Variants in SUCLA2 observed in about 807,000 individuals in gnomAD.
SUCLA2 encodes succinate-CoA ligase ADP-forming subunit beta, also known as succinate--CoA ligase [ADP-forming] subunit beta, mitochondrial.
In SUCLA2, 30 loss-of-function variants were observed where a neutral mutation model predicts 54.8. The observed-to-expected ratio is 0.55, with a 90% CI of 0.41 to 0.74. The LOEUF (loss-of-function observed/expected upper bound fraction) is 0.74, where lower values mean the gene tolerates loss of function less well. Ranked by LOEUF, SUCLA2 falls within the 30% of genes least tolerant of loss-of-function variation. SUCLA2 has a pLI of 0.00. For missense variants in SUCLA2, 476 were observed against 562.9 expected (o/e 0.85, Z 1.56); for synonymous variants, 172 against 188.9 (o/e 0.91, Z 0.74).
chr13:47,952,251 T>C (rs1949782299), intron 8 of SUCLA2, among the ~76,000 whole-genome samples: 1 of 152,182 alleles, frequency 6.6e-6, no homozygotes, highest in Admixed American at 6.6e-5. Flanking sequence ...CGATCTGTTC[T>C]TATCTCTGTC....
At chr13:47,960,379 G>A (rs886891349) in intron 6 of SUCLA2, among the ~76,000 whole-genome samples, 1 of 152,008 alleles carries the variant, frequency 6.6e-6, no homozygotes, top group Non-Finnish European at 1.5e-5. Flanking sequence ...TACCTCTGAT[G>A]ATCTAAAGAA....
At chr13:47,954,825 A>C (rs1409224702) in intron 6 of SUCLA2, among the ~76,000 whole-genome samples, 1 of 152,168 alleles carries the variant, frequency 6.6e-6, no homozygotes, top group Non-Finnish European at 1.5e-5. Context: ...ATTTTAAATT[A>C]TTTAAAAATT....
chr13:47,988,789 T>C (rs1457590420), intron 3 of SUCLA2, 86 bp from the exon 4 acceptor site: 1 of 1,592,606 alleles, frequency 6.3e-7, no homozygotes, highest in Admixed American at 1.7e-5. Context: ...TTATCTCATC[T>C]AATATTTAAA....
At position 47,954,580 on chromosome 13, in the gene SUCLA2, A is replaced by C. The variant is rs563521608; in HGVS notation, c.803-23T>G. ...ATACTTTGAAGGGAAAAAGAGAAAA[A>C]TGACCTTAATTTCAAGACAGATACA... On this transcript the variant is annotated intron_variant, in intron 6 of 10. Transcript: ENST00000646932. 14 of 1,611,820 alleles carry C rather than the reference A, an allele frequency of 8.7e-6. No individual in the cohort carries two copies. The South Asian group carries it at 1.4e-4, about 16-fold the overall frequency.
At chr13:47,962,538 A>G (rs1454605418) in intron 6 of SUCLA2, among the ~76,000 whole-genome samples, 2 of 152,162 alleles carry the variant, frequency 1.3e-5, no homozygotes, top group Admixed American at 6.5e-5. Context: ...GATTGGTAGA[A>G]GCTTATTTTG....
At chr13:47,961,561 G>A (rs1320510865) in intron 6 of SUCLA2, among the ~76,000 whole-genome samples, 2 of 152,118 alleles carry the variant, frequency 1.3e-5, no homozygotes, top group Non-Finnish European at 2.9e-5. Context: ...ACATCCAAGA[G>A]AGATATATCA....
intron 6 of SUCLA2, among the ~76,000 whole-genome samples, chr13:47,958,523 ATAGT>A (rs1258908257): frequency 1.3e-5 from 2 of 152,222 alleles, no homozygotes. Flanking sequence ...TAGCTTTAAA[ATAGT>A]TAGTAAAATG....
intron 6 of SUCLA2, 140 bp from the exon 7 acceptor site, chr13:47,954,697 C>T: frequency 3.1e-6 from 3 of 970,612 alleles, no homozygotes; most frequent in East Asian, 2.6e-5. Context: ...TTTATGTTCA[C>T]TATGAATTCA....
intron 6 of SUCLA2, among the ~76,000 whole-genome samples, chr13:47,967,886 T>C (rs775511461): frequency 3.4e-5 from 5 of 146,086 alleles, no homozygotes; most frequent in Non-Finnish European, 7.5e-5. Context: ...TTTGAGTACA[T>C]GCAAAAACAA....
At chr13:47,964,681 C>T (rs1040967540) in intron 6 of SUCLA2, among the ~76,000 whole-genome samples, 2 of 152,002 alleles carry the variant, frequency 1.3e-5, no homozygotes, top group Non-Finnish European at 2.9e-5. Context: ...CACGGTGAAA[C>T]CCCGTCTCTA....
At position 47,942,780 on chromosome 13, in the gene SUCLA2, C is replaced by T. The variant is rs976035727; in HGVS notation, c.*591G>A. On this transcript the variant is annotated 3_prime_UTR_variant, in exon 11 of 11. Transcript: ENST00000646932. ...TCTTAATATGACAGAATCATGAAGA[C>T]TTGCAGTTAATCAGTGTTTCCTAAT... The T allele has an allele frequency of 6.5e-6, 1 of 152,680 alleles. No individual in the cohort carries two copies. The highest frequency in any genetic ancestry group is 1.5e-5 in the Non-Finnish European group (1 of 68,384). The allele number at this position is 152,680 out of a possible 1,614,324, so 9.5% of individuals were successfully genotyped here. A position where few individuals can be genotyped will look rare whatever the true frequency, so the allele number is the denominator to read the frequency against.
intron 4 of SUCLA2, among the ~76,000 whole-genome samples, chr13:47,982,719 A>C (rs1454532697): frequency 6.6e-6 from 1 of 151,808 alleles, no homozygotes; most frequent in Non-Finnish European, 1.5e-5. Flanking sequence ...ATCTAAAAAA[A>C]AAAAATCTCT....
At chr13:47,972,944 G>T (rs1404108816) in intron 5 of SUCLA2, among the ~76,000 whole-genome samples, 1 of 151,464 alleles carries the variant, frequency 6.6e-6, no homozygotes, top group Non-Finnish European at 1.5e-5. Flanking sequence ...AGAGACGGGG[G>T]TTTCACCATA....
intron 6 of SUCLA2, among the ~76,000 whole-genome samples, chr13:47,966,525 TAAAA>T (rs372783186): frequency 1.4e-5 from 2 of 141,246 alleles, no homozygotes; most frequent in Admixed American, 7.1e-5. Flanking sequence ...TTGCCGTTTT[TAAAA>T]AAAAAAAAAA....
At chr13:47,970,841 C>A (rs1949956779) in intron 5 of SUCLA2, among the ~76,000 whole-genome samples, 1 of 151,770 alleles carries the variant, frequency 6.6e-6, no homozygotes, top group Non-Finnish European at 1.5e-5. Context: ...GTCTGGGCAA[C>A]AGAGCAAGAC....
intron 6 of SUCLA2, among the ~76,000 whole-genome samples, chr13:47,960,707 A>T (rs1292313997): frequency 1.3e-5 from 2 of 151,870 alleles, no homozygotes; most frequent in African/African-American, 4.8e-5. Flanking sequence ...AAGTAGTTAA[A>T]AAAAAAAAAG....
rs527700463 is a variant in SUCLA2 at position 47,973,113 on chromosome 13, T to A, written c.663+151A>T. 2.8e-4 allele frequency: 188 copies of A among 677,134 alleles called. 6 individuals are homozygous for A. The South Asian group carries it at 3.2e-3, about 11-fold the overall frequency. The allele number at this position is 677,134 out of a possible 1,614,324, so 41.9% of individuals were successfully genotyped here. On this transcript the variant is annotated intron_variant, in intron 5 of 10. Coordinates refer to ENST00000646932, the MANE Select transcript of SUCLA2 (RefSeq NM_003850.3). ...AGAGATATGAAAAAATTGTAAATAA[T>A]TCCAAAATGAGCTATTTCAAACAAG...
At chr13:47,974,999 A>G (rs1949998946) in intron 4 of SUCLA2, among the ~76,000 whole-genome samples, 3 of 152,146 alleles carry the variant, frequency 2.0e-5, no homozygotes, top group African/African-American at 7.2e-5. Flanking sequence ...ACAATAAAAG[A>G]GTGGGAAATA....
chr13:47,989,356 G>C (rs1031323380), intron 2 of SUCLA2, among the ~76,000 whole-genome samples: 4 of 151,904 alleles, frequency 2.6e-5, no homozygotes, highest in African/African-American at 9.7e-5. Context: ...GACTACAGGC[G>C]CCCGCCACCA....
Sources: allele counts gnomAD v4.1 joint callset (sites outside exome capture counted in the v4.1 genomes callset), GRCh38; gene constraint gnomAD v4.1.1; transcripts MANE v1.5; gene names NCBI Gene and HGNC (gene_info 2026-07-23, HGNC 2026-07-21).